The following PALD1 variants were observed in gnomAD, a reference collection of about 807,000 sequenced individuals.
PALD1 encodes the protein phosphatase domain containing paladin 1.
Under a neutral mutation model 96.0 loss-of-function variants are expected in PALD1, and 57 were observed. The ratio of observed to expected loss-of-function variants is 0.59; its 90% CI spans 0.48 to 0.74. The LOEUF is 0.74. PALD1 is among the 30% of genes least tolerant of loss of function. The pLI, the probability that PALD1 is intolerant of heterozygous loss-of-function variation, is 0.00. For missense variants in PALD1, 1,063 were observed against 1,143.7 expected (o/e 0.93, Z 1.02); for synonymous variants, 464 against 473.6 (o/e 0.98, Z 0.26).
chr10:70,466,701 G>A, the PALD1 span, among the ~76,000 whole-genome samples: 7 of 152,322 alleles, frequency 4.6e-5, no homozygotes, highest in African/African-American at 1.7e-4. Context: ...AGTGGTTTTT[G>A]GAGATGGCAG....
chr10:70,501,578 A>AG, intron 1 of PALD1, among the ~76,000 whole-genome samples: 1 of 152,328 alleles, frequency 6.6e-6, no homozygotes, highest in Non-Finnish European at 1.5e-5. Flanking sequence ...CCGTGGGGTC[A>AG]GGGTCCCTTG....
chr10:70,562,053 AT>A (rs1847749769), intron 18 of PALD1, among the ~76,000 whole-genome samples: 1 of 152,156 alleles, frequency 6.6e-6, no homozygotes, highest in Non-Finnish European at 1.5e-5. Flanking sequence ...GGATGAGCGG[AT>A]TAGTGAGCTT....
At chr10:70,557,994 C>T (rs1847647763) in intron 18 of PALD1, among the ~76,000 whole-genome samples, 1 of 134,782 alleles carries the variant, frequency 7.4e-6, no homozygotes, top group South Asian at 2.5e-4. Context: ...AGTGCAGTGG[C>T]GCAGTCATGG....
At position 70,539,784 on chromosome 10, in the gene PALD1, A is replaced by C; in HGVS notation, c.1908+22A>C. On this transcript the variant is annotated intron_variant, in intron 15 of 19. Coordinates refer to ENST00000263563, the MANE Select transcript of PALD1 (RefSeq NM_014431.3). The surrounding 1 kb of genome is among the most constrained non-coding windows in gnomAD (Gnocchi z 4.5). The stretch of plus-strand genomic sequence containing the variant: ...GGAGGTGAGGGTGCTGCTCAGGCTG[A>C]GGCCTCTGGGGAGGGACAGGAGGCC... 1 of 1,591,346 alleles carries C rather than the reference A, an allele frequency of 6.3e-7. No homozygotes were observed. Among genetic ancestry groups the C allele is most frequent in the Non-Finnish European group, 8.5e-7 (1 of 1,171,780 alleles).
At chr10:70,536,572 C>T (rs1280974874) in intron 10 of PALD1, among the ~76,000 whole-genome samples, 5 of 152,192 alleles carry the variant, frequency 3.3e-5, no homozygotes, top group African/African-American at 7.2e-5. Flanking sequence ...TCCAGCCTGC[C>T]GCCTGTCTTT....
At chr10:70,481,313 A>T (rs116100136) in intron 1 of PALD1, among the ~76,000 whole-genome samples, 1 of 152,202 alleles carries the variant, frequency 6.6e-6, no homozygotes, top group South Asian at 2.1e-4. Context: ...TTGCCTGGTT[A>T]TCACTGTTTC....
At chr10:70,474,283 G>A (rs550403938), upstream of PALD1, among the ~76,000 whole-genome samples, 20 of 152,240 alleles carry the variant, frequency 1.3e-4, no homozygotes, top group South Asian at 2.7e-3. Context: ...TTAGAGGGCC[G>A]GGCGTGGTGG....
At chr10:70,459,038 C>T in the PALD1 span, among the ~76,000 whole-genome samples, 6 of 152,178 alleles carry the variant, frequency 3.9e-5, no homozygotes, top group African/African-American at 1.4e-4. Context: ...GCGGCTCCCC[C>T]ACCTTTATCC....
At chr10:70,487,300 A>T (rs1589169323) in intron 1 of PALD1, among the ~76,000 whole-genome samples, 1 of 150,966 alleles carries the variant, frequency 6.6e-6, no homozygotes, top group Non-Finnish European at 1.5e-5. Flanking sequence ...TGCCCGGCTA[A>T]TTTTTTGTGT....
intron 18 of PALD1, among the ~76,000 whole-genome samples, chr10:70,561,328 C>T (rs969962789): frequency 6.6e-6 from 1 of 152,240 alleles, no homozygotes; most frequent in Non-Finnish European, 1.5e-5. Context: ...TAGAATGGCT[C>T]TTGCCCGGTG....
intron 18 of PALD1, among the ~76,000 whole-genome samples, chr10:70,553,133 G>A (rs564493737): frequency 6.6e-6 from 1 of 152,300 alleles, no homozygotes; most frequent in Admixed American, 6.5e-5. Context: ...GCAGCAGTGT[G>A]CATCGCCAGC....
At chr10:70,476,961 A>ATCCCTATAGGTATGCATGTT (rs1845832855), upstream of PALD1, among the ~76,000 whole-genome samples, 1 of 152,140 alleles carries the variant, frequency 6.6e-6, no homozygotes, top group Non-Finnish European at 1.5e-5. Context: ...GTGTGCATGC[A>ATCCCTATAGGTATGCATGTT]TCCCTATAGG....
chr10:70,539,489 G>A lies in PALD1; in HGVS notation c.1726-91G>A. 1.6e-6 allele frequency: 2 copies of A among 1,262,198 alleles called. No individual in the cohort carries two copies. Among genetic ancestry groups the A allele is most frequent in the Non-Finnish European group, 2.2e-6 (2 of 927,648 alleles). 78.2% of individuals were successfully genotyped at this position (1,262,198 alleles called of 1,614,324 possible). A position where few individuals can be genotyped will look rare whatever the true frequency, so the allele number is the denominator to read the frequency against. ...GGTCAGGGATGGGACTGGAAGCCAG[G>A]GCCAGGCCTGGCCATGGCAGGCTGT... On this transcript the variant is annotated intron_variant, in intron 14 of 19. Coordinates refer to ENST00000263563, the MANE Select transcript of PALD1 (RefSeq NM_014431.3). The surrounding 1 kb of genome is among the most constrained non-coding windows in gnomAD (Gnocchi z 4.5).
chr10:70,566,166 C>T (rs1847846008), intron 19 of PALD1, among the ~76,000 whole-genome samples: 1 of 152,112 alleles, frequency 6.6e-6, no homozygotes, highest in Non-Finnish European at 1.5e-5. Flanking sequence ...GCTGAGTGTC[C>T]AGGGGTGCCT....
At chr10:70,517,396 C>A (rs1310724210) in intron 1 of PALD1, among the ~76,000 whole-genome samples, 1 of 147,530 alleles carries the variant, frequency 6.8e-6, no homozygotes, top group Admixed American at 6.9e-5. Context: ...GGCTGGAGTG[C>A]AGTGGTGCAA....
upstream of PALD1, among the ~76,000 whole-genome samples, chr10:70,476,363 CA>C (rs1389313837): frequency 6.6e-6 from 1 of 152,234 alleles, no homozygotes; most frequent in Admixed American, 6.5e-5. Flanking sequence ...CTTCAACATT[CA>C]GTCCTTGTTC....
chr10:70,559,282 C>T (rs1004850037), intron 18 of PALD1, among the ~76,000 whole-genome samples: 36 of 151,944 alleles, frequency 2.4e-4, no homozygotes, highest in Non-Finnish European at 3.8e-4. Flanking sequence ...GTGTGGCTTG[C>T]GTGCAGTCCC....
intron 7 of PALD1, among the ~76,000 whole-genome samples, chr10:70,533,474 G>A (rs1050386518): frequency 6.6e-6 from 1 of 152,128 alleles, no homozygotes; most frequent in Non-Finnish European, 1.5e-5. Flanking sequence ...GCTGCTGGCC[G>A]TGGCTGGGCT....
intron 1 of PALD1, among the ~76,000 whole-genome samples, chr10:70,490,252 C>T (rs1389762187): frequency 2.6e-5 from 4 of 152,084 alleles, no homozygotes; most frequent in African/African-American, 9.7e-5. Context: ...TTAAAGGTCT[C>T]ACTCTGTTGC....
Sources: allele counts gnomAD v4.1 joint callset (sites outside exome capture counted in the v4.1 genomes callset), GRCh38; gene constraint gnomAD v4.1.1; non-coding constraint Gnocchi (gnomAD v3.1); transcripts MANE v1.5; gene names NCBI Gene and HGNC (gene_info 2026-07-23, HGNC 2026-07-21).